Variants in CNPY1 observed in about 807,000 individuals in gnomAD.
CNPY1 encodes the protein protein canopy homolog 1.
A neutral mutation model predicts 14.4 loss-of-function variants in CNPY1; 14 were observed. The ratio of observed to expected loss-of-function variants is 0.97; its 90% CI spans 0.64 to 1.52. The LOEUF is 1.52. Ranked by LOEUF, CNPY1 falls within the 40% of genes most tolerant of loss-of-function variation. The pLI is 0.00. For synonymous variants in CNPY1, 43 were observed against 46.5 expected (o/e 0.92, Z 0.31); for missense variants, 129 against 131.5 (o/e 0.98, Z 0.09).
intron 3 of CNPY1, 95 bp downstream of exon 3, chr7:155,508,799 G>A: frequency 7.4e-7 from 1 of 1,344,868 alleles, no homozygotes; most frequent in African/African-American, 1.5e-5. Context: ...TCCATGTCTT[G>A]AAACTCAACC....
chr7:155,530,852 C>T (rs1796925986), intron 2 of CNPY1, among the ~76,000 whole-genome samples: 1 of 152,206 alleles, frequency 6.6e-6, no homozygotes, highest in Non-Finnish European at 1.5e-5. Flanking sequence ...TACCAGGAGC[C>T]TCTCCTCCCC....
At chr7:155,505,544 C>A (rs1796275664) in intron 4 of CNPY1, among the ~76,000 whole-genome samples, 1 of 152,132 alleles carries the variant, frequency 6.6e-6, no homozygotes, top group African/African-American at 2.4e-5. Flanking sequence ...CAGTCTTTCC[C>A]CAGGATCTTA....
At chr7:155,534,266 T>C (rs758088953) in intron 2 of CNPY1, among the ~76,000 whole-genome samples, 3 of 152,084 alleles carry the variant, frequency 2.0e-5, no homozygotes, top group Admixed American at 6.5e-5. Context: ...TGCTCTGAGA[T>C]AGGTGACTTT....
chr7:155,513,739 G>T (rs1459760190), intron 2 of CNPY1, among the ~76,000 whole-genome samples: 2 of 151,318 alleles, frequency 1.3e-5, no homozygotes, highest in Non-Finnish European at 2.9e-5. Flanking sequence ...AAAAAAAAAG[G>T]CGTAATGAAT....
In CNPY1 at chr7:155,516,258, G is replaced by T. The variant is rs903983637; in HGVS notation, c.100-7161C>A. ...AGTTTCAGGAGGGGTATTCCCAAGA[G>T]TTCTGAATGATGGCAGAATATGGCT... On this transcript the variant is annotated intron_variant, in intron 2 of 4. Coordinates refer to ENST00000636446, the MANE Select transcript of CNPY1 (RefSeq NM_001393663.1). Among the ~76,000 whole-genome samples the T allele has an allele frequency of 2.0e-5, 3 of 152,264 alleles. No individual in the cohort carries two copies. In the South Asian group the frequency reaches 6.2e-4, roughly 31 times the overall value.
At chr7:155,511,952 T>G (rs1796540625) in intron 2 of CNPY1, among the ~76,000 whole-genome samples, 1 of 152,250 alleles carries the variant, frequency 6.6e-6, no homozygotes, top group South Asian at 2.1e-4. Context: ...GTAGCTGAAC[T>G]ACGTTCAGTA....
At chr7:155,509,671 C>T (rs778725041) in intron 2 of CNPY1, among the ~76,000 whole-genome samples, 5 of 152,164 alleles carry the variant, frequency 3.3e-5, no homozygotes, top group Non-Finnish European at 5.9e-5. Flanking sequence ...TGCAGCCGCG[C>T]GATGGCCCGG....
rs547459392 is a variant in CNPY1, at chr7:155,535,018, G to T, written c.99+10813C>A. Reference sequence around the variant, plus strand: ...AGGGAGGTTGAGACAGCCCAGCGGTGACCTGGCTGATGTGAGAGCAGGGCT... The same window carrying T: ...AGGGAGGTTGAGACAGCCCAGCGGTTACCTGGCTGATGTGAGAGCAGGGCT... On this transcript the variant is annotated intron_variant, in intron 2 of 4. Coordinates refer to ENST00000636446, the MANE Select transcript of CNPY1 (RefSeq NM_001393663.1). Among the ~76,000 whole-genome samples, 14 of 152,350 alleles carry T rather than the reference G, an allele frequency of 9.2e-5. No individual in the cohort carries two copies. The South Asian group carries it at 2.9e-3, about 32-fold the overall frequency.
intron 2 of CNPY1, among the ~76,000 whole-genome samples, chr7:155,545,312 G>A (rs189962709): frequency 8.1e-4 from 123 of 152,258 alleles, no homozygotes; most frequent in Non-Finnish European, 1.5e-3. Context: ...CCCTTCCAGC[G>A]CCCCACTCAC....
intron 2 of CNPY1, among the ~76,000 whole-genome samples, chr7:155,527,753 T>G (rs186322533): frequency 6.6e-6 from 1 of 152,228 alleles, no homozygotes; most frequent in Admixed American, 6.5e-5. Context: ...CAGCTGGCCT[T>G]AACATTTTTA....
chr7:155,507,110 T>C lies in CNPY1; in HGVS notation c.310A>G (p.Thr104Ala). 1 of 1,589,766 alleles carries C rather than the reference T, an allele frequency of 6.3e-7. No homozygotes were observed. Among genetic ancestry groups the C allele is most frequent in the African/African-American group, 1.3e-5 (1 of 74,550 alleles). ...TCATCTTCATACTCTTCTATTATAG[T>C]TTCACACTGTAGAAACATAATAACA... ...AYRPLKFACE[T>A]IIEEYEDEIS... The change falls in exon 4 of 5, where the codon ACT becomes GCT. Residue 104 changes from threonine to alanine, a missense_variant. By Grantham distance (58) the Thr-to-Ala change is moderately conservative. Transcript: ENST00000636446.
intron 1 of CNPY1, 55 bp downstream of exon 1, chr7:155,546,374 C>T (rs942730037): frequency 1.9e-4 from 76 of 394,626 alleles, no homozygotes; most frequent in African/African-American, 1.1e-3. Flanking sequence ...TTTTAAGAGA[C>T]GGGGGGTCTC....
At position 155,525,852 on chromosome 7, in the gene CNPY1, T is replaced by C. The variant is rs190990484; in HGVS notation, c.100-16755A>G. 1.6e-4 allele frequency among the ~76,000 whole-genome samples: 25 copies of C among 152,360 alleles called. No individual in the cohort carries two copies. The East Asian group carries it at 4.8e-3, about 29-fold the overall frequency. On this transcript the variant is annotated intron_variant, in intron 2 of 4. Coordinates refer to ENST00000636446, the MANE Select transcript of CNPY1 (RefSeq NM_001393663.1). Reference sequence around the variant, plus strand: ...TAGGTGAACAGGTGCCTAACTCCTCTGTTTTTCTTGACATTGTATCACTTT... The same window carrying C: ...TAGGTGAACAGGTGCCTAACTCCTCCGTTTTTCTTGACATTGTATCACTTT...
rs571740183 is a variant in CNPY1 at position 155,514,260 on chromosome 7, C to T, written c.100-5163G>A. ...CCGACGTTTAAAAAGAGGACGCTTCCGTGATTCTGCATAAAAATTAAAATA... is the reference window on the plus strand; with the variant it reads ...CCGACGTTTAAAAAGAGGACGCTTCTGTGATTCTGCATAAAAATTAAAATA... On this transcript the variant is annotated intron_variant, in intron 2 of 4. Transcript: ENST00000636446. Among the ~76,000 whole-genome samples, 42 of 152,332 alleles carry T rather than the reference C, an allele frequency of 2.8e-4. 1 individual carries two copies. Among genetic ancestry groups the T allele is most frequent in the African/African-American group, 9.4e-4 (39 of 41,574 alleles).
At chr7:155,532,656 AT>A (rs1796960852) in intron 2 of CNPY1, among the ~76,000 whole-genome samples, 2 of 152,172 alleles carry the variant, frequency 1.3e-5, no homozygotes, top group South Asian at 4.1e-4. Flanking sequence ...ATCCACTGCT[AT>A]ATTTTATGGT....
Position 155,502,966 on chromosome 7 carries a change from C to G in CNPY1, c.*102G>C. The G allele has an allele frequency of 9.3e-7, 1 of 1,073,446 alleles. No homozygotes were observed. Among genetic ancestry groups the G allele is most frequent in the Non-Finnish European group, 1.4e-6 (1 of 728,204 alleles). The allele number at this position is 1,073,446 out of a possible 1,614,324, so 66.5% of individuals were successfully genotyped here. On this transcript the variant is annotated 3_prime_UTR_variant, in exon 5 of 5. Coordinates refer to ENST00000636446, the MANE Select transcript of CNPY1 (RefSeq NM_001393663.1). ...AGACAAACACGGTATAAACAAGAGA[C>G]AAAATTTTTCTTATCATGAAAGACA...
In CNPY1 at chr7:155,546,241, C is replaced by T. The variant is rs149719724; in HGVS notation, c.-15+188G>A. On this transcript the variant is annotated intron_variant, in intron 1 of 4. Coordinates refer to ENST00000636446, the MANE Select transcript of CNPY1 (RefSeq NM_001393663.1). ...TCACTCTGTTGCCCAGGCTGGAGTG[C>T]AGTGGCACTATCTCAGCTCACTGCA... Among the ~76,000 whole-genome samples the T allele has an allele frequency of 1.3e-3, 201 of 151,410 alleles. 1 individual carries two copies. Among genetic ancestry groups the T allele is most frequent in the African/African-American group, 4.6e-3 (189 of 41,220 alleles).
At chr7:155,516,451 G>C (rs556628500) in intron 2 of CNPY1, among the ~76,000 whole-genome samples, 2 of 152,200 alleles carry the variant, frequency 1.3e-5, no homozygotes, top group Non-Finnish European at 2.9e-5. Context: ...GCTGGCCAGC[G>C]AGGAGCGGGC....
At chr7:155,520,093 C>T (rs1297220589) in intron 2 of CNPY1, among the ~76,000 whole-genome samples, 2 of 152,314 alleles carry the variant, frequency 1.3e-5, no homozygotes, top group South Asian at 2.1e-4. Flanking sequence ...TATACATTCC[C>T]GTATGCTCAT....
Sources: gnomAD v4.1 joint callset for allele counts (sites outside exome capture counted in the v4.1 genomes callset) on GRCh38, gnomAD v4.1.1 for gene constraint, MANE v1.5 for transcripts, NCBI Gene and HGNC (gene_info 2026-07-23, HGNC 2026-07-21) for gene names.